SFMBT1: variants seen among roughly 807,000 people sequenced by gnomAD.
The protein encoded by SFMBT1 is Scm like with four mbt domains 1.
In SFMBT1, 32 loss-of-function variants were observed where a neutral mutation model predicts 108.7. The ratio of observed to expected loss-of-function variants is 0.29; its 90% CI spans 0.22 to 0.40. The LOEUF is 0.40. SFMBT1 is among the 10% of genes least tolerant of loss of function. The probability of loss-of-function intolerance (pLI) is 1.00; values close to 1 mark genes in which losing one functional copy is unlikely to be tolerated. For synonymous variants in SFMBT1, 348 were observed against 369.5 expected, an observed-to-expected ratio of 0.94 and a Z score of 0.67; for missense variants, 816 against 1,059.6, an observed-to-expected ratio of 0.77 and a Z score of 3.19.
chr3:53,014,477 AAAAC>A (rs1451030146), intron 1 of SFMBT1, among the ~76,000 whole-genome samples: 3 of 262 alleles, frequency 0.011, no homozygotes, highest in Non-Finnish European at 0.058. Context: ...GTATTTAAAA[AAAAC>A]AAAACAAAAC....
chr3:53,042,341 G>A (rs1243501456), intron 1 of SFMBT1, among the ~76,000 whole-genome samples: 2 of 152,148 alleles, frequency 1.3e-5, no homozygotes, highest in Admixed American at 6.6e-5. Flanking sequence ...ATCATACTGG[G>A]TTGGTTGGTT....
chr3:52,918,049 GTA>G, intron 13 of SFMBT1, among the ~76,000 whole-genome samples: 1 of 152,290 alleles, frequency 6.6e-6, no homozygotes, highest in Non-Finnish European at 1.5e-5. Context: ...GTGTGTGCAG[GTA>G]TGTTACAAAC....
At chr3:53,038,884 G>A (rs1699947781) in intron 1 of SFMBT1, among the ~76,000 whole-genome samples, 1 of 152,216 alleles carries the variant, frequency 6.6e-6, no homozygotes, top group Admixed American at 6.5e-5. Flanking sequence ...GATAGGTGAA[G>A]GCTTATTTAC....
At chr3:53,013,251 C>T (rs1699014104) in intron 1 of SFMBT1, among the ~76,000 whole-genome samples, 1 of 151,668 alleles carries the variant, frequency 6.6e-6, no homozygotes, top group Non-Finnish European at 1.5e-5. Context: ...ACAATTTATG[C>T]ACTAGTTTCT....
chr3:52,938,238 A>C (rs960291249), intron 4 of SFMBT1, among the ~76,000 whole-genome samples: 1 of 152,172 alleles, frequency 6.6e-6, no homozygotes, highest in African/African-American at 2.4e-5. Flanking sequence ...AGGCAATCTG[A>C]ATTTATTTGT....
intron 5 of SFMBT1, among the ~76,000 whole-genome samples, 166 bp downstream of exon 5, chr3:52,934,647 C>T (rs943101221): frequency 2.0e-4 from 30 of 152,170 alleles, no homozygotes; most frequent in African/African-American, 7.0e-4. Flanking sequence ...AAGCAAGCCA[C>T]CAGTTTGCAA....
At position 52,991,342 on chromosome 3, in the gene SFMBT1, C is replaced by CTT. The variant is rs71087045; in HGVS notation, c.-130-22086_-130-22085dup. Among the ~76,000 whole-genome samples, 160 of 91,220 alleles carry CTT rather than the reference C, an allele frequency of 1.8e-3. 5 individuals are homozygous for CTT. Among genetic ancestry groups the CTT allele is most frequent in the South Asian group, 6.5e-3 (16 of 2,444 alleles). 59.8% of individuals were successfully genotyped at this position (91,220 alleles called of 152,430 possible). ...ACCCAAAATTCACATGCTGAAACTT[C>CTT]TTTTTTTTTTTTTTTTTTTGAGATG... On this transcript the variant is annotated intron_variant, in intron 1 of 20. Coordinates refer to ENST00000394752, the MANE Select transcript of SFMBT1 (RefSeq NM_016329.4).
chr3:52,937,617 C>G (rs1399003356), intron 4 of SFMBT1, among the ~76,000 whole-genome samples: 1 of 150,918 alleles, frequency 6.6e-6, no homozygotes, highest in African/African-American at 2.4e-5. Flanking sequence ...GAGTCTTGCT[C>G]TGTTGCCCAG....
chr3:52,907,350 G>A (rs1575362933), intron 18 of SFMBT1, 36 bp from the exon 19 acceptor site: 1 of 1,580,430 alleles, frequency 6.3e-7, no homozygotes, highest in Non-Finnish European at 8.6e-7. Context: ...TTGAAATTCA[G>A]GACATCAATC....
intron 5 of SFMBT1, among the ~76,000 whole-genome samples, chr3:52,933,101 G>C (rs1271107787): frequency 6.6e-6 from 1 of 152,044 alleles, no homozygotes; most frequent in Non-Finnish European, 1.5e-5. Flanking sequence ...CAGTCTGTCT[G>C]TTCCTATTTT....
intron 3 of SFMBT1, among the ~76,000 whole-genome samples, chr3:52,952,013 T>C (rs1703611083): frequency 2.0e-5 from 3 of 152,166 alleles, no homozygotes; most frequent in Admixed American, 2.0e-4. Context: ...GAACAAAGAA[T>C]AATCAAAAAG....
chr3:52,960,560 AC>A (rs1223576698), intron 2 of SFMBT1, among the ~76,000 whole-genome samples: 9 of 152,190 alleles, frequency 5.9e-5, no homozygotes, highest in African/African-American at 1.9e-4. Flanking sequence ...GTAAAATGGT[AC>A]AGCCACTATA....
intron 1 of SFMBT1, among the ~76,000 whole-genome samples, chr3:52,970,240 T>C (rs1406550720): frequency 1.3e-5 from 2 of 152,340 alleles, no homozygotes; most frequent in East Asian, 3.9e-4. Flanking sequence ...ATATTTCTAT[T>C]ATCCTGAAAA....
intron 1 of SFMBT1, among the ~76,000 whole-genome samples, chr3:53,028,026 C>A (rs907228171): frequency 1.3e-5 from 2 of 152,160 alleles, no homozygotes; most frequent in Non-Finnish European, 2.9e-5. Flanking sequence ...GTTTACAAAG[C>A]CTTTCACAGT....
intron 8 of SFMBT1, 25 bp downstream of exon 8, chr3:52,930,304 A>ACC (rs1702816712): frequency 7.2e-7 from 1 of 1,391,908 alleles, no homozygotes; most frequent in Non-Finnish European, 1.0e-6. Context: ...AGGGATTCTT[A>ACC]CCAAGAGAGT....
intron 2 of SFMBT1, 22 bp from the exon 3 acceptor site, chr3:52,954,433 A>G: frequency 6.4e-7 from 1 of 1,552,584 alleles, no homozygotes; most frequent in Non-Finnish European, 8.8e-7. Flanking sequence ...AATAAAACAA[A>G]AACAGGTGAA....
chr3:52,994,302 G>A (rs545033689), intron 1 of SFMBT1, among the ~76,000 whole-genome samples: 11 of 150,368 alleles, frequency 7.3e-5, no homozygotes, highest in African/African-American at 1.2e-4. Flanking sequence ...ATGAAGGAAT[G>A]ACAGACTCTC....
intron 1 of SFMBT1, among the ~76,000 whole-genome samples, chr3:53,006,203 C>T (rs1176958379): frequency 1.3e-5 from 2 of 152,168 alleles, no homozygotes; most frequent in Admixed American, 6.5e-5. Flanking sequence ...AGACTGAAGG[C>T]TTCTGAATGG....
At chr3:53,035,968 T>C (rs1309627332) in intron 1 of SFMBT1, among the ~76,000 whole-genome samples, 1 of 152,250 alleles carries the variant, frequency 6.6e-6, no homozygotes, top group Non-Finnish European at 1.5e-5. Flanking sequence ...CTCTTTTTAA[T>C]ATCTAGTTTC....
Sources: allele counts gnomAD v4.1 joint callset (sites outside exome capture counted in the v4.1 genomes callset), GRCh38; gene constraint gnomAD v4.1.1; transcripts MANE v1.5; gene names NCBI Gene and HGNC (gene_info 2026-07-23, HGNC 2026-07-21).